ARB2A: variants seen among roughly 807,000 people sequenced by gnomAD.
ARB2A encodes the protein cotranscriptional regulator ARB2A.
At chr5:93,943,870 A>C in the ARB2A span, among the ~76,000 whole-genome samples, 1 of 152,216 alleles carries the variant, frequency 6.6e-6, no homozygotes, top group African/African-American at 2.4e-5. Context: ...ACGGGGAAAA[A>C]TCAAAATGAA....
chr5:93,899,878 G>A, the ARB2A span, among the ~76,000 whole-genome samples: 2 of 152,042 alleles, frequency 1.3e-5, 1 homozygote, highest in African/African-American at 4.8e-5. Context: ...ACTAGTTTGG[G>A]AAAAAAGTAA....
At chr5:93,927,360 T>G in the ARB2A span, among the ~76,000 whole-genome samples, 2 of 152,276 alleles carry the variant, frequency 1.3e-5, no homozygotes, top group East Asian at 3.9e-4. Context: ...GGACTAATGA[T>G]TCTAACCTTG....
the ARB2A span, among the ~76,000 whole-genome samples, chr5:93,946,895 C>A: frequency 6.6e-6 from 1 of 152,140 alleles, no homozygotes; most frequent in Non-Finnish European, 1.5e-5. Flanking sequence ...AAACATTCAG[C>A]CACTAATACA....
At chr5:93,883,397 C>G in the ARB2A span, among the ~76,000 whole-genome samples, 2 of 91,180 alleles carry the variant, frequency 2.2e-5, no homozygotes. Context: ...CTTTCTACAT[C>G]AAAGCAAAAG....
the ARB2A span, among the ~76,000 whole-genome samples, chr5:93,686,176 T>C: frequency 6.6e-6 from 1 of 152,214 alleles, no homozygotes; most frequent in Admixed American, 6.5e-5. Flanking sequence ...AACTGACTTT[T>C]TATTCTTTAG....
the ARB2A span, among the ~76,000 whole-genome samples, chr5:94,012,433 G>A: frequency 6.6e-6 from 1 of 152,130 alleles, no homozygotes; most frequent in African/African-American, 2.4e-5. Flanking sequence ...AAGATGGAAG[G>A]ATAAAATTAG....
the ARB2A span, among the ~76,000 whole-genome samples, chr5:93,762,239 G>A: frequency 3.0e-4 from 46 of 152,124 alleles, no homozygotes; most frequent in South Asian, 3.5e-3. Context: ...GGCTTCAGAC[G>A]ATCAAACTAC....
At chr5:94,097,658 G>GT in the ARB2A span, among the ~76,000 whole-genome samples, 3 of 142,500 alleles carry the variant, frequency 2.1e-5, no homozygotes, top group Non-Finnish European at 1.6e-5. Context: ...ACATGTAACT[G>GT]TAAGACCATT....
the ARB2A span, among the ~76,000 whole-genome samples, chr5:93,663,135 G>C: frequency 6.6e-6 from 1 of 152,116 alleles, no homozygotes; most frequent in Non-Finnish European, 1.5e-5. Context: ...AAATTTTGGA[G>C]GGGACATATT....
At chr5:93,904,380 G>A in the ARB2A span, among the ~76,000 whole-genome samples, 1 of 151,790 alleles carries the variant, frequency 6.6e-6, no homozygotes, top group Admixed American at 6.6e-5. Context: ...TCTTTCTCAT[G>A]TGATGCTCTT....
chr5:93,823,321 T>C, the ARB2A span, among the ~76,000 whole-genome samples: 1 of 152,202 alleles, frequency 6.6e-6, no homozygotes, highest in Non-Finnish European at 1.5e-5. Flanking sequence ...AATTTTTTTC[T>C]ATCATGTACA....
the ARB2A span, among the ~76,000 whole-genome samples, chr5:93,931,787 A>T: frequency 7.9e-5 from 12 of 152,086 alleles, no homozygotes; most frequent in African/African-American, 2.9e-4. Context: ...TCATAAAGCC[A>T]CCCACTCCTT....
At chr5:94,047,403 A>G in the ARB2A span, among the ~76,000 whole-genome samples, 29 of 152,170 alleles carry the variant, frequency 1.9e-4, no homozygotes, top group Admixed American at 1.9e-3. Context: ...GAGGCAGGAG[A>G]ATCACTTGAA....
At chr5:93,850,406 G>C in the ARB2A span, among the ~76,000 whole-genome samples, 192 of 152,288 alleles carry the variant, frequency 1.3e-3, no homozygotes, top group Non-Finnish European at 2.1e-3. Context: ...AAAGACGTAG[G>C]TAGGTGTGCA....
the ARB2A span, among the ~76,000 whole-genome samples, chr5:93,939,195 G>T: frequency 6.6e-6 from 1 of 152,084 alleles, no homozygotes; most frequent in Admixed American, 6.5e-5. Flanking sequence ...CTACAAAGTT[G>T]CCAATTGGGA....
the ARB2A span, chr5:93,863,208 C>T: frequency 2.6e-5 from 4 of 151,954 alleles, no homozygotes; most frequent in Admixed American, 6.6e-5. Flanking sequence ...GACAAAAACT[C>T]CTCAGAAATA....
At chr5:93,657,983 C>CT in the ARB2A span, among the ~76,000 whole-genome samples, 6 of 152,178 alleles carry the variant, frequency 3.9e-5, no homozygotes, top group South Asian at 8.3e-4. Flanking sequence ...ATTTTTGATA[C>CT]TTTTTTTGTA....
chr5:93,627,450 T>G, the ARB2A span, among the ~76,000 whole-genome samples: 969 of 149,368 alleles, frequency 6.5e-3, 22 homozygotes, highest in African/African-American at 0.024. Context: ...TTTGTTTTTT[T>G]TTTTTTTTTT....
chr5:93,924,506 A>G, the ARB2A span, among the ~76,000 whole-genome samples: 1 of 152,186 alleles, frequency 6.6e-6, no homozygotes, highest in African/African-American at 2.4e-5. Flanking sequence ...ATTTGTAACC[A>G]CTGAAAAAGC....
Sources: allele counts gnomAD v4.1 joint callset (sites outside exome capture counted in the v4.1 genomes callset), GRCh38; gene constraint gnomAD v4.1.1; transcripts MANE v1.5; gene names NCBI Gene and HGNC (gene_info 2026-07-23, HGNC 2026-07-21).